Variants in DLGAP1 observed in about 807,000 individuals in gnomAD.
DLGAP1 encodes the protein disks large-associated protein 1.
A neutral mutation model predicts 90.8 loss-of-function variants in DLGAP1; 11 were observed. The observed-to-expected ratio is 0.12, with a 90% CI of 0.08 to 0.20. DLGAP1 has a LOEUF of 0.20. DLGAP1 is among the 10% of genes least tolerant of loss of function. The pLI is 1.00. For synonymous variants in DLGAP1, 558 were observed against 540.7 expected, an observed-to-expected ratio of 1.03 and a Z score of -0.44; for missense variants, 1,050 against 1,333.8, an observed-to-expected ratio of 0.79 and a Z score of 3.31.
intron 5 of DLGAP1, among the ~76,000 whole-genome samples, chr18:3,781,692 A>T (rs2065200316): frequency 6.6e-6 from 1 of 152,146 alleles, no homozygotes; most frequent in Non-Finnish European, 1.5e-5. Flanking sequence ...CTTAGATAAG[A>T]TTGTCTACAG....
intron 1 of DLGAP1, among the ~76,000 whole-genome samples, chr18:4,260,565 G>A (rs1202436500): frequency 2.0e-5 from 3 of 152,018 alleles, no homozygotes; most frequent in Non-Finnish European, 4.4e-5. Flanking sequence ...TTATTATAAC[G>A]AAAGATATAT....
chr18:4,448,815 ATTCC>A (rs2083736145), intron 1 of DLGAP1, among the ~76,000 whole-genome samples: 1 of 152,216 alleles, frequency 6.6e-6, no homozygotes, highest in Non-Finnish European at 1.5e-5. Context: ...AAGATGTTAG[ATTCC>A]AGTCTCCCCT....
At chr18:3,959,424 T>C (rs537468521) in intron 3 of DLGAP1, among the ~76,000 whole-genome samples, 2 of 152,228 alleles carry the variant, frequency 1.3e-5, no homozygotes, top group East Asian at 1.9e-4. Context: ...CCCAGCACTT[T>C]GGAAGGCCGA....
chr18:3,905,502 A>G (rs977543265), intron 3 of DLGAP1, among the ~76,000 whole-genome samples: 4 of 152,024 alleles, frequency 2.6e-5, no homozygotes, highest in Non-Finnish European at 5.9e-5. Flanking sequence ...ATAATTACCA[A>G]CTTGAGGGGT....
chr18:3,749,718 T>C (rs890229806), intron 5 of DLGAP1, among the ~76,000 whole-genome samples: 1 of 152,096 alleles, frequency 6.6e-6, no homozygotes, highest in Non-Finnish European at 1.5e-5. Context: ...TACATTTCTA[T>C]CCAGATGTTC....
chr18:3,580,522 G>C (rs2055429897), intron 8 of DLGAP1: 2 of 1,597,956 alleles, frequency 1.3e-6, no homozygotes, highest in African/African-American at 2.7e-5. Context: ...AAGAGGAGGC[G>C]GCGGCAGCGG....
At chr18:4,377,431 T>C (rs531942144) in intron 1 of DLGAP1, among the ~76,000 whole-genome samples, 1 of 152,174 alleles carries the variant, frequency 6.6e-6, no homozygotes, top group Non-Finnish European at 1.5e-5. Flanking sequence ...AACTCTAAAA[T>C]GAACTTTAGT....
At chr18:3,741,979 A>T (rs2063072368) in intron 6 of DLGAP1, among the ~76,000 whole-genome samples, 1 of 151,960 alleles carries the variant, frequency 6.6e-6, no homozygotes, top group African/African-American at 2.4e-5. Flanking sequence ...AGTAGCTGGG[A>T]TCACAGATGG....
chr18:3,562,829 T>C (rs2054218323), intron 9 of DLGAP1, among the ~76,000 whole-genome samples: 1 of 151,850 alleles, frequency 6.6e-6, no homozygotes, highest in South Asian at 2.1e-4. Context: ...TGTTTGTTTG[T>C]TCTGTTTGTT....
chr18:3,993,381 C>A (rs2074006701), intron 3 of DLGAP1, among the ~76,000 whole-genome samples: 1 of 152,120 alleles, frequency 6.6e-6, no homozygotes, highest in African/African-American at 2.4e-5. Context: ...CAATTGCTTT[C>A]TTACAGAGTT....
intron 3 of DLGAP1, among the ~76,000 whole-genome samples, chr18:3,883,792 C>A (rs1459896761): frequency 1.3e-5 from 2 of 152,178 alleles, no homozygotes; most frequent in East Asian, 3.9e-4. Flanking sequence ...GACCAGTCTT[C>A]AGAGCAAGGC....
intron 2 of DLGAP1, among the ~76,000 whole-genome samples, chr18:4,145,226 G>C (rs932308616): frequency 3.3e-5 from 5 of 152,092 alleles, no homozygotes; most frequent in Admixed American, 3.3e-4. Flanking sequence ...AGAACTCTGA[G>C]ACATGACAAA....
chr18:4,440,098 T>C (rs185045169), intron 1 of DLGAP1, among the ~76,000 whole-genome samples: 2,837 of 112,592 alleles, frequency 0.025, 111 homozygotes, highest in African/African-American at 0.093. Flanking sequence ...CCAGCCTGGG[T>C]GACAGAGTGA....
intron 7 of DLGAP1, among the ~76,000 whole-genome samples, chr18:3,637,349 C>G (rs2058754300): frequency 6.6e-6 from 1 of 151,994 alleles, no homozygotes. Flanking sequence ...CTCTTGTTTG[C>G]CTTCTAGAAA....
intron 7 of DLGAP1, among the ~76,000 whole-genome samples, chr18:3,602,446 T>C (rs1223837185): frequency 7.9e-5 from 12 of 151,564 alleles, no homozygotes; most frequent in Non-Finnish European, 7.4e-5. Context: ...ATACAAAAAA[T>C]TAGCCGGGCG....
At chr18:4,408,597 T>A (rs1435286616) in intron 1 of DLGAP1, among the ~76,000 whole-genome samples, 1 of 151,956 alleles carries the variant, frequency 6.6e-6, no homozygotes, top group Non-Finnish European at 1.5e-5. Flanking sequence ...GCAAAAGGTT[T>A]ATAGTTGATA....
intron 4 of DLGAP1, among the ~76,000 whole-genome samples, chr18:3,867,791 T>G (rs927315139): frequency 6.6e-6 from 1 of 152,248 alleles, no homozygotes; most frequent in African/African-American, 2.4e-5. Flanking sequence ...TTTTATTTTT[T>G]GTTTTTATAG....
At chr18:3,761,901 T>C (rs902507287) in intron 5 of DLGAP1, among the ~76,000 whole-genome samples, 2 of 152,168 alleles carry the variant, frequency 1.3e-5, no homozygotes, top group Non-Finnish European at 2.9e-5. Context: ...TTCTTTCAGG[T>C]ATATACCCAG....
intron 3 of DLGAP1, among the ~76,000 whole-genome samples, chr18:3,992,212 G>T (rs2073983723): frequency 6.6e-6 from 1 of 152,158 alleles, no homozygotes; most frequent in African/African-American, 2.4e-5. Flanking sequence ...CGTTTGAAAA[G>T]ATTTCTTGTT....
Sources: gnomAD v4.1 joint callset for allele counts (sites outside exome capture counted in the v4.1 genomes callset) on GRCh38, gnomAD v4.1.1 for gene constraint, MANE v1.5 for transcripts, NCBI Gene and HGNC (gene_info 2026-07-23, HGNC 2026-07-21) for gene names.